The following AHCYL2 variants were observed in gnomAD, a reference collection of about 807,000 sequenced individuals.
The protein encoded by AHCYL2 is S-adenosylhomocysteine hydrolase-like protein 2.
AHCYL2 carries 28 observed loss-of-function variants against 81.4 expected under a neutral mutation model. That is an observed-to-expected ratio of 0.34 (90% CI 0.25 to 0.47). The LOEUF (loss-of-function observed/expected upper bound fraction) is 0.47, where lower values mean the gene tolerates loss of function less well. Among genes scored for constraint, AHCYL2 ranks in the 20% least tolerant of loss-of-function variants. The probability of loss-of-function intolerance (pLI) is 1.00; values close to 1 mark genes in which losing one functional copy is unlikely to be tolerated. For missense variants in AHCYL2, 551 were observed against 785.1 expected (o/e 0.70, Z 3.56); for synonymous variants, 272 against 290.2 (o/e 0.94, Z 0.64).
intron 1 of AHCYL2, among the ~76,000 whole-genome samples, chr7:129,353,658 C>T (rs763873611): frequency 4.1e-5 from 6 of 147,548 alleles, no homozygotes; most frequent in African/African-American, 7.6e-5. Flanking sequence ...CATACAGTGA[C>T]GCCATCTAGT....
At chr7:129,321,743 GTTTTTTTTTT>G in intron 1 of AHCYL2, among the ~76,000 whole-genome samples, 4 of 77,630 alleles carry the variant, frequency 5.2e-5, no homozygotes, top group South Asian at 5.5e-4. Flanking sequence ...TTCTTTCTTT[GTTTTTTTTTT>G]TTTTTTTTTT....
At chr7:129,331,089 T>C (rs1430284444) in intron 1 of AHCYL2, among the ~76,000 whole-genome samples, 5 of 152,202 alleles carry the variant, frequency 3.3e-5, no homozygotes, top group South Asian at 2.1e-4. Flanking sequence ...CAGTTCTGAA[T>C]TGATGGGTTT....
chr7:129,401,479 T>A (rs572808761), intron 6 of AHCYL2, among the ~76,000 whole-genome samples: 1 of 152,222 alleles, frequency 6.6e-6, no homozygotes, highest in Non-Finnish European at 1.5e-5. Flanking sequence ...AACCATTGCT[T>A]GCTGCTGAAG....
intron 1 of AHCYL2, among the ~76,000 whole-genome samples, chr7:129,236,460 C>G (rs1794648392): frequency 6.6e-6 from 1 of 152,090 alleles, no homozygotes; most frequent in South Asian, 2.1e-4. Flanking sequence ...CTCGGCCTCC[C>G]AAAGTGCTGG....
At chr7:129,365,640 A>ATATATATATATATATATG (rs1794086247) in intron 1 of AHCYL2, among the ~76,000 whole-genome samples, 1 of 149,026 alleles carries the variant, frequency 6.7e-6, no homozygotes, top group Admixed American at 6.8e-5. Context: ...ATATATATAT[A>ATATATATATATATATATG]TATATGGGTA....
chr7:129,386,035 A>G (rs1372553737), intron 2 of AHCYL2, among the ~76,000 whole-genome samples: 2 of 152,196 alleles, frequency 1.3e-5, no homozygotes, highest in Non-Finnish European at 2.9e-5. Flanking sequence ...ATTCAGCAAT[A>G]ACCTTTCCAC....
At chr7:129,227,235 A>G (rs1794257230) in intron 1 of AHCYL2, among the ~76,000 whole-genome samples, 1 of 152,160 alleles carries the variant, frequency 6.6e-6, no homozygotes, top group Admixed American at 6.5e-5. Flanking sequence ...TTTTATTATT[A>G]TGAATAATTG....
chr7:129,336,350 G>A (rs1346081058), intron 1 of AHCYL2, among the ~76,000 whole-genome samples: 2 of 152,090 alleles, frequency 1.3e-5, no homozygotes, highest in African/African-American at 4.8e-5. Flanking sequence ...TTACAGGCTT[G>A]AGCCACCCCA....
At chr7:129,228,446 TG>T (rs1794304232) in intron 1 of AHCYL2, among the ~76,000 whole-genome samples, 1 of 152,234 alleles carries the variant, frequency 6.6e-6, no homozygotes, top group Non-Finnish European at 1.5e-5. Context: ...TGCGATGCTC[TG>T]GGGGCCAGAT....
chr7:129,226,149 T>C lies in AHCYL2; in HGVS notation c.363+710T>C, dbSNP rs538115562. On this transcript the variant is annotated intron_variant, in intron 1 of 16. Coordinates refer to ENST00000325006, the MANE Select transcript of AHCYL2 (RefSeq NM_015328.4). ...AGAGAATGAATGTCTTATTGATTGCTTTATTATAATCTGAAAGTGATAGGA... is the reference window on the plus strand; with the variant it reads ...AGAGAATGAATGTCTTATTGATTGCCTTATTATAATCTGAAAGTGATAGGA... Among the ~76,000 whole-genome samples the C allele has an allele frequency of 5.2e-4, 79 of 152,354 alleles. 1 individual carries two copies. The highest frequency in any genetic ancestry group is 2.1e-4 in the Non-Finnish European group (14 of 68,036).
At chr7:129,303,774 G>A (rs6980385) in intron 1 of AHCYL2, among the ~76,000 whole-genome samples, 36,967 of 151,912 alleles carry the variant, frequency 0.24, 4,579 homozygotes, top group South Asian at 0.37. Flanking sequence ...TTTTGATATA[G>A]GAACTTATAG....
intron 1 of AHCYL2, among the ~76,000 whole-genome samples, chr7:129,366,792 AG>A (rs984406593): frequency 1.3e-5 from 2 of 150,322 alleles, no homozygotes; most frequent in African/African-American, 4.9e-5. Flanking sequence ...AAAAAAAAAA[AG>A]TTTATAGAAA....
At chr7:129,331,568 C>T (rs145447358) in intron 1 of AHCYL2, among the ~76,000 whole-genome samples, 7 of 152,232 alleles carry the variant, frequency 4.6e-5, no homozygotes, top group East Asian at 1.9e-4. Flanking sequence ...CCTGGCCGGG[C>T]GCAGTGGCTC....
At chr7:129,346,021 T>C (rs959772402) in intron 1 of AHCYL2, among the ~76,000 whole-genome samples, 7 of 152,172 alleles carry the variant, frequency 4.6e-5, no homozygotes, top group African/African-American at 1.2e-4. Flanking sequence ...ATTTAGCAGT[T>C]ATCAGCATAT....
intron 1 of AHCYL2, among the ~76,000 whole-genome samples, chr7:129,304,493 G>C (rs777161364): frequency 2.0e-5 from 3 of 152,166 alleles, no homozygotes; most frequent in Non-Finnish European, 4.4e-5. Flanking sequence ...GAAGTCTCTA[G>C]CTAGCTATTG....
chr7:129,340,487 G>A (rs1411477230), intron 1 of AHCYL2, among the ~76,000 whole-genome samples: 1 of 149,986 alleles, frequency 6.7e-6, no homozygotes, highest in Non-Finnish European at 1.5e-5. Flanking sequence ...AGAATGGCGT[G>A]AACTCGGGAG....
intron 11 of AHCYL2, among the ~76,000 whole-genome samples, chr7:129,411,070 C>CT (rs781764144): frequency 4.0e-4 from 58 of 144,032 alleles, no homozygotes; most frequent in African/African-American, 4.1e-4. Flanking sequence ...CAGCCTGGAC[C>CT]TTTTTTTTTT....
At chr7:129,297,086 G>A (rs1352316194) in intron 1 of AHCYL2, among the ~76,000 whole-genome samples, 2 of 152,214 alleles carry the variant, frequency 1.3e-5, no homozygotes, top group Admixed American at 1.3e-4. Flanking sequence ...CATGCACACT[G>A]ATCTATTGTA....
chr7:129,391,768 C>T (rs534266162), intron 4 of AHCYL2, among the ~76,000 whole-genome samples: 1 of 152,318 alleles, frequency 6.6e-6, no homozygotes, highest in Non-Finnish European at 1.5e-5. Flanking sequence ...TGATTAAGAA[C>T]ATTAGAGATT....
Sources: gnomAD v4.1 joint callset for allele counts (sites outside exome capture counted in the v4.1 genomes callset) on GRCh38, gnomAD v4.1.1 for gene constraint, MANE v1.5 for transcripts, NCBI Gene and HGNC (gene_info 2026-07-23, HGNC 2026-07-21) for gene names.